Variants in CTNNA3 observed in about 807,000 individuals in gnomAD.
CTNNA3 encodes catenin alpha-3.
A neutral mutation model predicts 95.7 loss-of-function variants in CTNNA3; 76 were observed. The ratio of observed to expected loss-of-function variants is 0.79; its 90% confidence interval spans 0.66 to 0.96. The LOEUF (loss-of-function observed/expected upper bound fraction) is 0.96. CTNNA3 is among the 40% of genes least tolerant of loss of function. The probability of loss-of-function intolerance (pLI) is 0.00; values close to 1 mark genes in which losing one functional copy is unlikely to be tolerated. For missense variants in CTNNA3, 1,191 were observed against 1,089.8 expected (o/e 1.09, Z -1.31); for synonymous variants, 431 against 374.4 (o/e 1.15, Z -1.74).
At chr10:66,875,965 C>T (rs148085845) in intron 7 of CTNNA3, among the ~76,000 whole-genome samples, 1 of 152,030 alleles carries the variant, frequency 6.6e-6, no homozygotes, top group African/African-American at 2.4e-5. Context: ...CATTGGCTGA[C>T]GTGTTAAATC....
chr10:66,306,286 C>T (rs546798151), intron 12 of CTNNA3, among the ~76,000 whole-genome samples: 3 of 152,244 alleles, frequency 2.0e-5, no homozygotes, highest in Admixed American at 6.5e-5. Flanking sequence ...GAGTCTCAGC[C>T]TCCTCATCTA....
At chr10:66,837,009 GGTGACT>G (rs1175262623) in intron 7 of CTNNA3, among the ~76,000 whole-genome samples, 3 of 151,986 alleles carry the variant, frequency 2.0e-5, no homozygotes, top group Admixed American at 6.6e-5. Flanking sequence ...ATAATCAAAA[GGTGACT>G]GTAAAAGTGA....
intron 17 of CTNNA3, among the ~76,000 whole-genome samples, chr10:65,965,490 C>T (rs1251500481): frequency 1.4e-5 from 2 of 147,762 alleles, no homozygotes; most frequent in East Asian, 4.1e-4. Flanking sequence ...CTGAAACTTC[C>T]ACCTCCTGGG....
intron 7 of CTNNA3, among the ~76,000 whole-genome samples, chr10:67,081,907 G>T (rs971053150): frequency 6.6e-6 from 1 of 152,176 alleles, no homozygotes; most frequent in Non-Finnish European, 1.5e-5. Flanking sequence ...CACTAGTTAT[G>T]TTTATATGCA....
At chr10:66,990,346 C>T (rs1850975860) in intron 7 of CTNNA3, among the ~76,000 whole-genome samples, 1 of 152,150 alleles carries the variant, frequency 6.6e-6, no homozygotes, top group African/African-American at 2.4e-5. Context: ...CAGTTCTTCT[C>T]CTCTATGCTG....
chr10:66,283,419 C>T (rs1380607446), intron 12 of CTNNA3, among the ~76,000 whole-genome samples: 1 of 151,708 alleles, frequency 6.6e-6, no homozygotes, highest in African/African-American at 2.4e-5. Context: ...TGATACAGTT[C>T]CCACCATCTT....
chr10:67,010,217 GAA>G (rs1282924341), intron 7 of CTNNA3, among the ~76,000 whole-genome samples: 2 of 152,072 alleles, frequency 1.3e-5, no homozygotes, highest in Non-Finnish European at 2.9e-5. Flanking sequence ...TTGTTCTTTA[GAA>G]AAGTTATTAT....
intron 9 of CTNNA3, among the ~76,000 whole-genome samples, chr10:66,707,438 G>T (rs1399952537): frequency 1.3e-5 from 2 of 151,292 alleles, no homozygotes; most frequent in African/African-American, 4.9e-5. Flanking sequence ...TAAAATCTTT[G>T]AGGGCAGGGC....
chr10:67,185,675 T>C (rs890837875), intron 6 of CTNNA3, among the ~76,000 whole-genome samples: 1 of 152,252 alleles, frequency 6.6e-6, no homozygotes, highest in African/African-American at 2.4e-5. Context: ...CACATCTTTC[T>C]TTGGCCCACT....
chr10:66,652,758 A>C (rs1376129855), intron 9 of CTNNA3, among the ~76,000 whole-genome samples: 2 of 152,160 alleles, frequency 1.3e-5, no homozygotes, highest in Non-Finnish European at 2.9e-5. Flanking sequence ...CTAGCAAACC[A>C]AATTCATCAG....
intron 7 of CTNNA3, among the ~76,000 whole-genome samples, chr10:66,911,230 C>T (rs1024804932): frequency 6.6e-6 from 1 of 152,172 alleles, no homozygotes; most frequent in African/African-American, 2.4e-5. Flanking sequence ...GTAGGAGGAA[C>T]TTAAAAGAAT....
chr10:65,938,995 C>T (rs1364162278), intron 17 of CTNNA3, among the ~76,000 whole-genome samples: 8 of 151,898 alleles, frequency 5.3e-5, no homozygotes, highest in African/African-American at 1.7e-4. Context: ...CTCCGCCTCC[C>T]GGGTTCACGC....
At chr10:67,166,979 T>C (rs1011274980) in intron 7 of CTNNA3, among the ~76,000 whole-genome samples, 9 of 152,052 alleles carry the variant, frequency 5.9e-5, no homozygotes, top group African/African-American at 1.7e-4. Context: ...TGGTGGCACA[T>C]GCCTGTAGTC....
chr10:66,525,313 T>C (rs1297427602), intron 10 of CTNNA3, among the ~76,000 whole-genome samples: 3 of 152,074 alleles, frequency 2.0e-5, no homozygotes, highest in African/African-American at 7.2e-5. Flanking sequence ...ACTAACAAAG[T>C]CCATACTTTG....
chr10:67,397,470 G>A (rs1016789411), intron 5 of CTNNA3, among the ~76,000 whole-genome samples: 1 of 152,144 alleles, frequency 6.6e-6, no homozygotes, highest in African/African-American at 2.4e-5. Flanking sequence ...AGGGTATCTG[G>A]CAGAATAAAT....
At chr10:67,025,791 A>T (rs534945524) in intron 7 of CTNNA3, among the ~76,000 whole-genome samples, 43 of 152,134 alleles carry the variant, frequency 2.8e-4, no homozygotes, top group African/African-American at 8.5e-4. Context: ...GATGATCGCT[A>T]TAAAGACACA....
intron 7 of CTNNA3, among the ~76,000 whole-genome samples, chr10:67,063,023 C>T (rs922942792): frequency 6.6e-6 from 1 of 151,946 alleles, no homozygotes; most frequent in Non-Finnish European, 1.5e-5. Flanking sequence ...TATGTAAGCA[C>T]CTAATTTCCT....
chr10:67,397,298 T>A (rs1484264197), intron 5 of CTNNA3, among the ~76,000 whole-genome samples: 1 of 152,164 alleles, frequency 6.6e-6, no homozygotes, highest in Non-Finnish European at 1.5e-5. Context: ...CTGATAGTGA[T>A]ATGGACAATA....
At chr10:67,123,521 T>C (rs1859567652) in intron 7 of CTNNA3, among the ~76,000 whole-genome samples, 2 of 152,194 alleles carry the variant, frequency 1.3e-5, no homozygotes, top group Non-Finnish European at 2.9e-5. Context: ...CTTTAAATCA[T>C]TAACAGCCAC....
Sources: gnomAD v4.1 joint callset for allele counts (sites outside exome capture counted in the v4.1 genomes callset) on GRCh38, gnomAD v4.1.1 for gene constraint, MANE v1.5 for transcripts, NCBI Gene and HGNC (gene_info 2026-07-23, HGNC 2026-07-21) for gene names.